The following HYOU1 variants were observed in gnomAD, a reference collection of about 807,000 sequenced individuals.
HYOU1 encodes hypoxia up-regulated protein 1.
In HYOU1, 40 loss-of-function variants were observed where a neutral mutation model predicts 120.5. The observed-to-expected ratio is 0.33, with a 90% CI of 0.26 to 0.43. The LOEUF is 0.43. Among genes scored for constraint, HYOU1 ranks in the 20% least tolerant of loss-of-function variants. The pLI is 1.00. For missense variants in HYOU1, 1,085 were observed against 1,278.3 expected (o/e 0.85, Z 2.31); for synonymous variants, 501 against 479.4 (o/e 1.05, Z -0.59).
Position 119,049,821 on chromosome 11 carries a change from T to C in HYOU1, c.1682A>G (p.Glu561Gly), listed in dbSNP as rs2133575942. ...LSLDRVESVF[E>G]TLVEDSAEEE... ...TTCTGCGCTGTCCTCTACCAGTGTC[T>C]CAAATACAGACTCCACCTGAAAACA... Residue 561 changes from glutamate (E) to glycine (G), a missense_variant, in exon 15 of 26, where the codon GAG becomes GGG. By Grantham distance (98) the Glu-to-Gly change is moderately conservative. Coordinates refer to ENST00000617285, the MANE Select transcript of HYOU1 (RefSeq NM_006389.5). 6.2e-7 allele frequency: 1 copy of C among 1,614,106 alleles called. No individual in the cohort carries two copies. The highest frequency in any genetic ancestry group is 1.1e-5 in the South Asian group (1 of 91,086).
chr11:119,056,144 C>T lies in HYOU1; in HGVS notation c.17G>A (p.Arg6Lys), dbSNP rs147083969. The T allele has an allele frequency of 4.3e-6, 7 of 1,613,906 alleles. No homozygotes were observed. Among genetic ancestry groups the T allele is most frequent in the South Asian group, 1.1e-5 (1 of 91,080 alleles). MADKVRRQRPRRRVCW... is the reference protein window; with the variant it reads MADKVKRQRPRRRVCW... ...GACTCGCCTCCTCGGCCTCTGCCTC[C>T]TAACTTTGTCTGCCATAGTGCCCCT... The change falls in exon 2 of 26, where the codon AGG becomes AAG. Residue 6 changes from arginine (R) to lysine (K), a missense_variant. By Grantham distance (26) the Arg-to-Lys change is conservative. Coordinates refer to ENST00000617285, the MANE Select transcript of HYOU1 (RefSeq NM_006389.5).
Position 119,055,446 on chromosome 11 carries a change from C to T in HYOU1, c.264+47G>A. The T allele has an allele frequency of 6.2e-7, 1 of 1,606,672 alleles. No individual in the cohort carries two copies. Among genetic ancestry groups the T allele is most frequent in the Middle Eastern group, 1.7e-4 (1 of 5,958 alleles). On this transcript the variant is annotated intron_variant, in intron 4 of 25. Transcript: ENST00000617285. This position sits in a 1 kb window ranked among gnomAD's most constrained non-coding sequence, Gnocchi z 4.0. ...GGAAACAGACTCTGGGGGCTGCCAT[C>T]TCCTCTCCTCTGCCCACCACTCTGG...
chr11:119,050,550 TATAA>T (rs1168285560), intron 14 of HYOU1, among the ~76,000 whole-genome samples: 1 of 151,550 alleles, frequency 6.6e-6, no homozygotes, highest in Non-Finnish European at 1.5e-5. Flanking sequence ...ACCCTATCTC[TATAA>T]ATAAAGTACA....
chr11:119,047,547 GAT>G, intron 22 of HYOU1, 185 bp downstream of exon 22: 1 of 583,278 alleles, frequency 1.7e-6, no homozygotes, highest in South Asian at 2.0e-5. Context: ...CCTCCAGGCT[GAT>G]GACTCTTATG....
intron 6 of HYOU1, 147 bp from the exon 7 acceptor site, chr11:119,054,822 C>A (rs1944656635): frequency 2.8e-6 from 3 of 1,065,976 alleles, no homozygotes; most frequent in Non-Finnish European, 4.1e-6. Flanking sequence ...CATCCCCGGC[C>A]TCTACCCACT....
chr11:119,046,265 C>A (rs1365091852), intron 24 of HYOU1, 152 bp downstream of exon 24: 2 of 494,420 alleles, frequency 4.0e-6, no homozygotes, highest in Admixed American at 3.9e-5. Flanking sequence ...CGTGCCTGGC[C>A]TTTTTTTTTT....
chr11:119,048,750 T>G lies in HYOU1; in HGVS notation c.2129A>C (p.Asp710Ala), dbSNP rs782072886. The change falls in exon 18 of 26, where the codon GAC becomes GCC. Residue 710 changes from aspartate (D) to alanine (A), a missense_variant. Asp to Ala is a moderately radical substitution (Grantham distance 126). Around this residue, in one of 4 missense-constraint regions of HYOU1, gnomAD observed 516 missense variants for 517.1 expected, o/e 1.00. Coordinates refer to ENST00000617285, the MANE Select transcript of HYOU1 (RefSeq NM_006389.5). The surrounding 1 kb of genome is among the most constrained non-coding windows in gnomAD (Gnocchi z 4.7). Reference protein sequence around the residue: ...GVELVVLDLPDLPEDKLAQSV... With the variant: ...GVELVVLDLPALPEDKLAQSV... ...CTGAGCCAGCTTATCCTCTGGCAAG[T>G]CAGGCAGGTCCAGAACAACCAGCTC... is the stretch of plus-strand genomic sequence containing the variant. 1 of 1,613,148 alleles carries G rather than the reference T, an allele frequency of 6.2e-7. No individual in the cohort carries two copies. The highest frequency in any genetic ancestry group is 8.5e-7 in the Non-Finnish European group (1 of 1,179,590).
Position 119,051,323 on chromosome 11 carries a change from G to T in HYOU1, c.1526+115C>A, listed in dbSNP as rs1944423904. ...GCATTCTCCAGCGAAGCTGATCATA[G>T]CTGCCCTGTTTCAGCCCCGCAGGCC... On this transcript the variant is annotated intron_variant, in intron 13 of 25. Transcript: ENST00000617285. This position sits in a 1 kb window ranked among gnomAD's most constrained non-coding sequence, Gnocchi z 4.2. The T allele has an allele frequency of 2.0e-6, 3 of 1,487,996 alleles. No individual in the cohort carries two copies. The highest frequency in any genetic ancestry group is 2.8e-6 in the Non-Finnish European group (3 of 1,084,994). 92.2% of individuals were successfully genotyped at this position (1,487,996 alleles called of 1,614,324 possible).
In HYOU1 at chr11:119,048,594, G is replaced by T; in HGVS notation, c.2166-31C>A. On this transcript the variant is annotated intron_variant, in intron 18 of 25. Transcript: ENST00000617285. The surrounding 1 kb of genome is among the most constrained non-coding windows in gnomAD (Gnocchi z 4.7). ...GGACAAAGGAGGGGTAGGGATGAGG[G>T]AGAGGGCAAGTGAGAACTTGAGACT... 1 of 1,612,046 alleles carries T rather than the reference G, an allele frequency of 6.2e-7. No homozygotes were observed.
At chr11:119,054,370 A>G in intron 7 of HYOU1, 124 bp downstream of exon 7, 1 of 1,196,702 alleles carries the variant, frequency 8.4e-7, no homozygotes, top group East Asian at 2.4e-5. Context: ...GGCTGGGAGG[A>G]GGCTATTGGT....
In HYOU1 at chr11:119,052,352, C is replaced by A. The variant is rs1198557640; in HGVS notation, c.1065G>T (p.Leu355Phe). The change falls in exon 10 of 26, where the codon TTG becomes TTT. Residue 355 changes from leucine (L) to phenylalanine (F), a missense_variant. Leu to Phe is a conservative substitution (Grantham distance 22). This residue lies in a region of HYOU1 where 515 missense variants were observed against 677.8 expected (regional missense o/e 0.76). Coordinates refer to ENST00000617285, the MANE Select transcript of HYOU1 (RefSeq NM_006389.5). The surrounding 1 kb of genome is among the most constrained non-coding windows in gnomAD (Gnocchi z 5.0). Reference sequence around the variant, plus strand: ...GTACAGGCCCAGGCACCCGCTCAAACAAGTCTGCACACAACTCCTCAAATT... The same window carrying A: ...GTACAGGCCCAGGCACCCGCTCAAAAAAGTCTGCACACAACTCCTCAAATT... ...RVEFEELCADLFERVPGPVQQ... is the reference protein window; with the variant it reads ...RVEFEELCADFFERVPGPVQQ... 6.2e-7 allele frequency: 1 copy of A among 1,614,250 alleles called. No individual in the cohort carries two copies. Among genetic ancestry groups the A allele is most frequent in the South Asian group, 1.1e-5 (1 of 91,088 alleles).
rs1944526056 is a variant in HYOU1 at position 119,052,834 on chromosome 11, T to G, written c.795-5A>C. The stretch of plus-strand genomic sequence containing the variant: ...CCCCCCAGGGTACGGTCAAATCTGT[T>G]GAGAAAAGGGAGCAGGGAAAAAAGT... On this transcript the variant is annotated splice_polypyrimidine_tract_variant and splice_region_variant and intron_variant, in intron 8 of 25. Coordinates refer to ENST00000617285, the MANE Select transcript of HYOU1 (RefSeq NM_006389.5). The surrounding 1 kb of genome is among the most constrained non-coding windows in gnomAD (Gnocchi z 5.0). The G allele has an allele frequency of 6.2e-7, 1 of 1,609,340 alleles. No individual in the cohort carries two copies. The highest frequency in any genetic ancestry group is 1.3e-5 in the African/African-American group (1 of 74,658).
intron 24 of HYOU1, among the ~76,000 whole-genome samples, chr11:119,046,117 C>A (rs549262099): frequency 6.6e-6 from 1 of 152,014 alleles, no homozygotes; most frequent in South Asian, 2.1e-4. Flanking sequence ...TGCGCCACCA[C>A]GCCTGACTCT....
intron 6 of HYOU1, 94 bp from the exon 7 acceptor site, chr11:119,054,769 C>A (rs1296811568): frequency 1.5e-6 from 2 of 1,351,450 alleles, no homozygotes; most frequent in Non-Finnish European, 1.0e-6. Flanking sequence ...CTAGGTAATT[C>A]TGTGTTGTGG....
rs1943955310 is a variant in HYOU1 at position 119,044,409 on chromosome 11, TCA to T, written c.*1182_*1183del. On this transcript the variant is annotated 3_prime_UTR_variant, in exon 26 of 26. Coordinates refer to ENST00000617285, the MANE Select transcript of HYOU1 (RefSeq NM_006389.5). ...GACAAAATGACTGACACAGCCAGGT[TCA>T]TTCTTGTCTTGGAGCTGAGGCAGCA... 1 of 151,124 alleles carries T rather than the reference TCA, an allele frequency of 6.6e-6. No individual in the cohort carries two copies. The highest frequency in any genetic ancestry group is 2.4e-5 in the African/African-American group (1 of 41,028). 9.4% of individuals were successfully genotyped at this position (151,124 alleles called of 1,614,324 possible).
In HYOU1 at chr11:119,045,377, G is replaced by A. The variant is rs1943999369; in HGVS notation, c.*216C>T. The A allele has an allele frequency of 5.8e-6, 4 of 690,856 alleles. No individual in the cohort carries two copies. In the Admixed American group the frequency reaches 6.1e-5, roughly 10 times the overall value. 42.8% of individuals were successfully genotyped at this position (690,856 alleles called of 1,614,324 possible). A position where few individuals can be genotyped will look rare whatever the true frequency, so the allele number is the denominator to read the frequency against. On this transcript the variant is annotated 3_prime_UTR_variant, in exon 26 of 26. Transcript: ENST00000617285. ...GGGTAGGGAACAGGGAGTGGGGCTG[G>A]GGAGGAGAACAGTTTCCATTTTTAA...
Position 119,052,327 on chromosome 11 carries a change from G to C in HYOU1, c.1090C>G (p.Gln364Glu), listed in dbSNP as rs1163339389. 4 of 1,614,072 alleles carry C rather than the reference G, an allele frequency of 2.5e-6. No individual in the cohort carries two copies. The highest frequency in any genetic ancestry group is 1.3e-5 in the African/African-American group (1 of 74,934). Residue 364 changes from glutamine to glutamate, a missense_variant, in exon 10 of 26, where the codon CAG (glutamine) becomes GAG (glutamate). Gln to Glu is a conservative substitution (Grantham distance 29). Around this residue, in one of 4 missense-constraint regions of HYOU1, gnomAD observed 515 missense variants for 677.8 expected, o/e 0.76. Transcript: ENST00000617285. This position sits in a 1 kb window ranked among gnomAD's most constrained non-coding sequence, Gnocchi z 5.0. ...DLFERVPGPV[Q>E]QALQSAEMSL... The stretch of plus-strand genomic sequence containing the variant: ...ATTTCGGCACTCTGGAGGGCCTGCT[G>C]TACAGGCCCAGGCACCCGCTCAAAC...
At chr11:119,053,609 G>A (rs2133600325) in intron 8 of HYOU1, 4 of 152,580 alleles carry the variant, frequency 2.6e-5, no homozygotes, top group African/African-American at 9.7e-5. Flanking sequence ...ACTGAAAGGA[G>A]ACGTCACTAG....
chr11:119,050,943 A>G (rs1944404364), intron 14 of HYOU1, 92 bp downstream of exon 14: 1 of 1,466,750 alleles, frequency 6.8e-7, no homozygotes, highest in Admixed American at 2.1e-5. Flanking sequence ...TTTTTTGGTT[A>G]TCTTATCCTA....
Sources: allele counts gnomAD v4.1 joint callset (sites outside exome capture counted in the v4.1 genomes callset), GRCh38; gene constraint gnomAD v4.1.1; regional missense constraint gnomAD v4.1.1; non-coding constraint Gnocchi (gnomAD v3.1); transcripts MANE v1.5; gene names NCBI Gene and HGNC (gene_info 2026-07-23, HGNC 2026-07-21).